Variants in NRXN3 observed in about 807,000 individuals in gnomAD.
NRXN3 encodes the protein neurexin III.
NRXN3 carries 32 observed loss-of-function variants against 137.6 expected under a neutral mutation model. That is an observed-to-expected ratio of 0.23 (90% CI 0.18 to 0.31). The LOEUF (loss-of-function observed/expected upper bound fraction) is 0.31. Ranked by LOEUF, NRXN3 falls within the 10% of genes least tolerant of loss-of-function variation. The pLI is 1.00. For synonymous variants in NRXN3, 798 were observed against 784.5 expected (o/e 1.02, Z -0.29); for missense variants, 1,574 against 2,062.5 (o/e 0.76, Z 4.59).
chr14:79,077,275 C>T (rs1263664330), intron 15 of NRXN3, among the ~76,000 whole-genome samples: 4 of 152,128 alleles, frequency 2.6e-5, no homozygotes, highest in African/African-American at 9.7e-5. Context: ...TCTGGTTCCA[C>T]CTGGAGGTTC....
At chr14:79,196,733 GA>G (rs200615795) in intron 15 of NRXN3, among the ~76,000 whole-genome samples, 1 of 151,618 alleles carries the variant, frequency 6.6e-6, no homozygotes. Context: ...ACTGTTGTAT[GA>G]AAAAAAAGAA....
chr14:79,371,186 T>A (rs752183270), intron 15 of NRXN3, among the ~76,000 whole-genome samples: 2 of 152,222 alleles, frequency 1.3e-5, no homozygotes, highest in Non-Finnish European at 2.9e-5. Context: ...ACATAATCCA[T>A]CATCTCCTGA....
intron 1 of NRXN3, among the ~76,000 whole-genome samples, chr14:78,173,078 G>A (rs1435675703): frequency 6.6e-6 from 1 of 152,054 alleles, no homozygotes; most frequent in Non-Finnish European, 1.5e-5. Context: ...TTGTCGATGT[G>A]CATGGTAGGA....
At chr14:79,472,950 A>T (rs2096527773) in intron 16 of NRXN3, among the ~76,000 whole-genome samples, 1 of 152,162 alleles carries the variant, frequency 6.6e-6, no homozygotes, top group African/African-American at 2.4e-5. Flanking sequence ...GCTGAGTGTA[A>T]AAAAGACATC....
At chr14:79,147,377 T>G (rs988814716) in intron 15 of NRXN3, among the ~76,000 whole-genome samples, 1 of 152,160 alleles carries the variant, frequency 6.6e-6, no homozygotes, top group Non-Finnish European at 1.5e-5. Flanking sequence ...GTCAAGTGAC[T>G]GCATGTCATG....
At chr14:78,216,737 G>T (rs1289839253) in intron 1 of NRXN3, among the ~76,000 whole-genome samples, 2 of 152,226 alleles carry the variant, frequency 1.3e-5, no homozygotes, top group Non-Finnish European at 1.5e-5. Flanking sequence ...TAGTTCTGGA[G>T]GCCAGAAGTC....
chr14:79,486,677 G>A (rs1601022805), intron 16 of NRXN3, among the ~76,000 whole-genome samples: 2 of 152,200 alleles, frequency 1.3e-5, no homozygotes, highest in East Asian at 1.9e-4. Context: ...GTTGGATGAT[G>A]AGAAAGCTGG....
intron 16 of NRXN3, among the ~76,000 whole-genome samples, chr14:79,605,240 C>T (rs1202000494): frequency 2.6e-5 from 4 of 152,138 alleles, no homozygotes; most frequent in African/African-American, 9.7e-5. Context: ...GTCACCTTGA[C>T]GTCAGCCTTG....
At chr14:79,065,507 A>C (rs1004762937) in intron 15 of NRXN3, among the ~76,000 whole-genome samples, 1 of 152,144 alleles carries the variant, frequency 6.6e-6, no homozygotes, top group African/African-American at 2.4e-5. Flanking sequence ...GGATATTATA[A>C]GTGAAGGTGA....
intron 4 of NRXN3, among the ~76,000 whole-genome samples, chr14:78,360,095 G>T (rs910025229): frequency 6.6e-6 from 1 of 152,024 alleles, no homozygotes; most frequent in African/African-American, 2.4e-5. Context: ...AGCTTAGCTC[G>T]CAACACCCCA....
chr14:79,656,603 ACTCT>A (rs1322471968), intron 16 of NRXN3, among the ~76,000 whole-genome samples: 4 of 137,262 alleles, frequency 2.9e-5, no homozygotes, highest in East Asian at 4.2e-4. Flanking sequence ...TGTCATCCCT[ACTCT>A]CTCTCTCTCT....
At chr14:79,092,154 G>C (rs923099584) in intron 15 of NRXN3, among the ~76,000 whole-genome samples, 1 of 152,132 alleles carries the variant, frequency 6.6e-6, no homozygotes, top group African/African-American at 2.4e-5. Flanking sequence ...GTGTGTTCCA[G>C]TTATGGCCAC....
intron 4 of NRXN3, among the ~76,000 whole-genome samples, chr14:78,504,585 CAGGTAATTCTGATAA>C (rs1184531152): frequency 6.6e-6 from 1 of 152,040 alleles, no homozygotes; most frequent in African/African-American, 2.4e-5. Context: ...ACCAGCATTC[CAGGTAATTCTGATAA>C]AGGTAGCCCT....
chr14:78,750,916 T>C, intron 8 of NRXN3, among the ~76,000 whole-genome samples: 1 of 152,170 alleles, frequency 6.6e-6, no homozygotes, highest in East Asian at 1.9e-4. Context: ...GGGAACAGTT[T>C]CCCAGAATTC....
Position 78,841,793 on chromosome 14 carries a change from C to T in NRXN3, c.2275+31449C>T, listed in dbSNP as rs112209595. On this transcript the variant is annotated intron_variant, in intron 10 of 20. Transcript: ENST00000335750. ...TTCTAGTTGTTTTTCAGCTCCTCTG[C>T]CTTGATTACCTCTCACCAAGATTTT... Among the ~76,000 whole-genome samples the T allele has an allele frequency of 8.3e-4, 127 of 152,186 alleles. 3 individuals are homozygous for T. Among genetic ancestry groups the T allele is most frequent in the African/African-American group, 2.9e-3 (122 of 41,546 alleles).
At chr14:79,470,697 A>T (rs1475373738) in intron 16 of NRXN3, among the ~76,000 whole-genome samples, 4 of 152,158 alleles carry the variant, frequency 2.6e-5, no homozygotes, top group African/African-American at 9.7e-5. Context: ...TCAACAAGGG[A>T]TTACATGGGG....
chr14:78,983,496 T>C (rs1445602143), intron 14 of NRXN3, among the ~76,000 whole-genome samples: 1 of 152,160 alleles, frequency 6.6e-6, no homozygotes, highest in African/African-American at 2.4e-5. Flanking sequence ...TTCTTACTAT[T>C]GAGTTGTTTG....
At chr14:79,013,713 C>A (rs893425645) in intron 15 of NRXN3, among the ~76,000 whole-genome samples, 1 of 152,200 alleles carries the variant, frequency 6.6e-6, no homozygotes, top group Admixed American at 6.5e-5. Flanking sequence ...AGACCCATGA[C>A]AATCTATAAG....
intron 15 of NRXN3, among the ~76,000 whole-genome samples, chr14:79,357,548 G>A (rs573417662): frequency 6.6e-6 from 1 of 152,070 alleles, no homozygotes; most frequent in Non-Finnish European, 1.5e-5. Flanking sequence ...TTGACTTCCA[G>A]GTGACCCACT....
Sources: gnomAD v4.1 joint callset for allele counts (sites outside exome capture counted in the v4.1 genomes callset) on GRCh38, gnomAD v4.1.1 for gene constraint, MANE v1.5 for transcripts, NCBI Gene and HGNC (gene_info 2026-07-23, HGNC 2026-07-21) for gene names.